Variants in SPACA6 observed in about 807,000 individuals in gnomAD.
SPACA6 encodes sperm acrosome membrane-associated protein 6.
For missense variants in SPACA6, 8 were observed against 2.8 expected (o/e 2.88, Z -1.34); for synonymous variants, 6 against 1.5 (o/e 4.05, Z -2.21).
rs1053979404 is a variant in SPACA6, at chr19:51,693,696, AGGCCTTCACGGCCGCCTTCCAG to A, written c.176_197del (p.Phe59SerfsTer21). 3.4e-5 allele frequency: 14 copies of A among 408,476 alleles called. No homozygotes were observed. Among genetic ancestry groups the A allele is most frequent in the Admixed American group, 1.7e-4 (4 of 24,028 alleles). 25.3% of individuals were successfully genotyped at this position (408,476 alleles called of 1,614,324 possible). A position where few individuals can be genotyped will look rare whatever the true frequency, so the allele number is the denominator to read the frequency against. On this transcript the variant is annotated frameshift_variant, in exon 1 of 9. Coordinates refer to ENST00000637797, the MANE Select transcript of SPACA6 (RefSeq NM_001316972.2). LOFTEE classifies it high-confidence loss of function. ...AGCCCCAAGCTTGAAGAGTGTGAGG[AGGCCTTCACGGCCGCCTTCCAG>A]GGCCTCTCTGACACCGAAATCAGTG...
downstream of SPACA6, chr19:51,705,240 T>G (rs1310804159): frequency 2.5e-6 from 1 of 398,966 alleles, no homozygotes. Flanking sequence ...TAGGAGGAGG[T>G]GCAGCAAGCC....
chr19:51,704,007 G>A, intron 6 of SPACA6, 23 bp from the exon 7 acceptor site: 2 of 400,950 alleles, frequency 5.0e-6, no homozygotes, highest in Non-Finnish European at 8.8e-6. Flanking sequence ...GAGTTGAGGC[G>A]TTTAAACCCG....
At chr19:51,709,756 C>A (rs1236649766), downstream of SPACA6, among the ~76,000 whole-genome samples, 3 of 152,110 alleles carry the variant, frequency 2.0e-5, no homozygotes, top group Non-Finnish European at 1.5e-5. Context: ...GCAGGCATCG[C>A]TGTGAGGTGC....
At chr19:51,709,629 AAAG>A (rs1193775010), downstream of SPACA6, among the ~76,000 whole-genome samples, 396 of 151,206 alleles carry the variant, frequency 2.6e-3, no homozygotes, top group Non-Finnish European at 4.3e-3. Flanking sequence ...AAAAAAAAAA[AAAG>A]AAAAGAAATA....
upstream of SPACA6, among the ~76,000 whole-genome samples, chr19:51,692,393 A>G (rs1036013441): frequency 6.6e-6 from 1 of 151,448 alleles, no homozygotes; most frequent in African/African-American, 2.4e-5. The surrounding 1 kb of genome is among the most constrained non-coding windows in gnomAD (Gnocchi z 5.6). Flanking sequence ...TGAGGGAGGA[A>G]GGGGCTGAGT....
chr19:51,694,535 A>G lies in SPACA6; in HGVS notation c.272A>G (p.Gln91Arg), dbSNP rs2083409602. ...DTFTQMTHAL[Q>R]ELAAAQGSFE... ...TTCACCCAGATGACCCATGCCCTGC[A>G]GGAGCTGGCTGCTGCCCAGGGTGAG... The change falls in exon 2 of 9, where the codon CAG (glutamine) becomes CGG (arginine). Residue 91 changes from glutamine (Q) to arginine (R), a missense_variant. Physicochemically the swap from Gln to Arg is conservative, Grantham distance 43. Transcript: ENST00000637797. 2.5e-6 allele frequency: 1 copy of G among 399,652 alleles called. No individual in the cohort carries two copies. The highest frequency in any genetic ancestry group is 4.4e-6 in the Non-Finnish European group (1 of 226,468). 24.8% of individuals were successfully genotyped at this position (399,652 alleles called of 1,614,324 possible). A position where few individuals can be genotyped will look rare whatever the true frequency, so the allele number is the denominator to read the frequency against.
intron 2 of SPACA6, among the ~76,000 whole-genome samples, chr19:51,711,779 A>AC (rs1317559409): frequency 5.3e-5 from 4 of 75,620 alleles, no homozygotes; most frequent in Admixed American, 2.2e-4. Context: ...AGGAAGTCAC[A>AC]AAAAAAAGCA....
At chr19:51,688,331 T>G (rs760137244), upstream of SPACA6, 4 of 152,884 alleles carry the variant, frequency 2.6e-5, no homozygotes, top group East Asian at 7.7e-4. Flanking sequence ...GTGGAGGTCA[T>G]GCCACAACCA....
downstream of SPACA6, among the ~76,000 whole-genome samples, chr19:51,712,722 A>T (rs1414774176): frequency 3.3e-5 from 5 of 152,128 alleles, no homozygotes; most frequent in South Asian, 2.1e-4. Context: ...ACTCCAGCAG[A>T]AGTTTTCTTT....
upstream of SPACA6, chr19:51,689,356 T>A (rs1184051879): frequency 1.4e-5 from 2 of 142,948 alleles, no homozygotes; most frequent in East Asian, 2.2e-4. Flanking sequence ...GCCGGCGGGG[T>A]CCAGGGAGGG....
At chr19:51,706,811 C>T (rs1339266946), downstream of SPACA6, among the ~76,000 whole-genome samples, 1 of 152,138 alleles carries the variant, frequency 6.6e-6, no homozygotes, top group Non-Finnish European at 1.5e-5. Context: ...AGGCATGCGC[C>T]ACCACACCTG....
downstream of SPACA6, among the ~76,000 whole-genome samples, chr19:51,709,653 G>A (rs1029263486): frequency 1.3e-5 from 2 of 150,692 alleles, no homozygotes; most frequent in African/African-American, 2.4e-5. Flanking sequence ...AAAGATGAGC[G>A]TCACGGGTGG....
rs2083509457 is a variant in SPACA6, at chr19:51,705,190, A to G, written c.*67A>G. 2.5e-6 allele frequency: 1 copy of G among 400,932 alleles called. No individual in the cohort carries two copies. The highest frequency in any genetic ancestry group is 2.1e-5 in the African/African-American group (1 of 48,698). The allele number at this position is 400,932 out of a possible 1,614,324, so 24.8% of individuals were successfully genotyped here. ...AAAATAAAGAATATATTTCAACTCT[A>G]GATTGTTTCATCTCCGAAGGTGGTC... On this transcript the variant is annotated 3_prime_UTR_variant, in exon 9 of 9. Transcript: ENST00000637797.
chr19:51,697,204 G>A (rs1883546055), intron 2 of SPACA6, among the ~76,000 whole-genome samples: 1 of 152,152 alleles, frequency 6.6e-6, no homozygotes, highest in African/African-American at 2.4e-5. Context: ...TTGAAATGGG[G>A]GAGCTGTTGG....
chr19:51,689,520 CG>C (rs1219454668), upstream of SPACA6: 3 of 147,094 alleles, frequency 2.0e-5, no homozygotes, highest in African/African-American at 7.6e-5. Context: ...CGGTGGGGCC[CG>C]GCCTGCGGGC....
At chr19:51,689,259 G>C (rs1339554847), upstream of SPACA6, 1 of 152,222 alleles carries the variant, frequency 6.6e-6, no homozygotes, top group Admixed American at 6.5e-5. Flanking sequence ...CGGGGCAGGG[G>C]GGAAGCCAGG....
Position 51,701,795 on chromosome 19 carries a change from G to C in SPACA6, c.361+69G>C, listed in dbSNP as rs936490279. On this transcript the variant is annotated intron_variant, in intron 3 of 8. Transcript: ENST00000637797. Reference sequence around the variant, plus strand: ...CAATTAGAAAACCCCACTTTTGGCCGGGGATGGTGGCTCACGCCTGTAATC... The same window carrying C: ...CAATTAGAAAACCCCACTTTTGGCCCGGGATGGTGGCTCACGCCTGTAATC... The C allele has an allele frequency of 2.0e-5, 8 of 392,488 alleles. No individual in the cohort carries two copies. In the South Asian group the frequency reaches 9.4e-4, roughly 46 times the overall value. The allele number at this position is 392,488 out of a possible 1,614,324, so 24.3% of individuals were successfully genotyped here.
chr19:51,685,106 T>G (rs1347111152), upstream of SPACA6, among the ~76,000 whole-genome samples: 1 of 152,218 alleles, frequency 6.6e-6, no homozygotes, highest in Admixed American at 6.5e-5. Context: ...CAAGGTAGGT[T>G]AAGGTGTCCT....
chr19:51,695,517 A>T (rs915278324), intron 2 of SPACA6, among the ~76,000 whole-genome samples: 3 of 152,206 alleles, frequency 2.0e-5, no homozygotes, highest in African/African-American at 7.2e-5. Flanking sequence ...ATCCCGGAAG[A>T]GGGAAGGTTC....
Sources: gnomAD v4.1 joint callset for allele counts (sites outside exome capture counted in the v4.1 genomes callset) on GRCh38, gnomAD v4.1.1 for gene constraint, Gnocchi (gnomAD v3.1) non-coding constraint, MANE v1.5 for transcripts, NCBI Gene and HGNC (gene_info 2026-07-23, HGNC 2026-07-21) for gene names.